Variants in ZNF503 observed in about 807,000 individuals in gnomAD.
ZNF503 encodes NocA-like zinc finger 2.
ZNF503 carries 15 observed loss-of-function variants against 34.4 expected under a neutral mutation model. The ratio of observed to expected loss-of-function variants is 0.44; its 90% confidence interval spans 0.29 to 0.67. The LOEUF (loss-of-function observed/expected upper bound fraction) is 0.67. Among genes scored for constraint, ZNF503 ranks in the 30% least tolerant of loss-of-function variants. The pLI, the probability that ZNF503 is intolerant of heterozygous loss-of-function variation, is 0.13. For synonymous variants in ZNF503, 580 were observed against 456.8 expected (o/e 1.27, Z -3.44); for missense variants, 1,007 against 926.8 (o/e 1.09, Z -1.12).
the ZNF503 span, among the ~76,000 whole-genome samples, chr10:75,352,469 T>C: frequency 6.6e-6 from 1 of 152,144 alleles, no homozygotes; most frequent in African/African-American, 2.4e-5. Flanking sequence ...TCTCAGGAAG[T>C]TTCCAGGCTG....
At chr10:75,313,840 T>G in the ZNF503 span, among the ~76,000 whole-genome samples, 1 of 152,154 alleles carries the variant, frequency 6.6e-6, no homozygotes, top group Admixed American at 6.5e-5. Context: ...AGAGAGAACC[T>G]CAGAGTCTTG....
At chr10:75,309,086 C>A in the ZNF503 span, among the ~76,000 whole-genome samples, 1 of 152,098 alleles carries the variant, frequency 6.6e-6, no homozygotes, top group African/African-American at 2.4e-5. Context: ...TCAAGTGATC[C>A]GCCTGCCTCA....
the ZNF503 span, among the ~76,000 whole-genome samples, chr10:75,303,831 C>CTTTT: frequency 4.0e-5 from 5 of 124,486 alleles, no homozygotes; most frequent in Non-Finnish European, 6.7e-5. Context: ...GTGGCTAAAT[C>CTTTT]TTTTTTTTTT....
At chr10:75,345,491 C>T in the ZNF503 span, among the ~76,000 whole-genome samples, 1 of 151,638 alleles carries the variant, frequency 6.6e-6, no homozygotes, top group African/African-American at 2.4e-5. Context: ...AAAAATTAGC[C>T]AGGCGTTGTG....
At chr10:75,317,097 A>T in the ZNF503 span, among the ~76,000 whole-genome samples, 56 of 151,694 alleles carry the variant, frequency 3.7e-4, 1 homozygote, top group Non-Finnish European at 5.9e-4. Context: ...GCACACCACC[A>T]CTCCTGGCTA....
the ZNF503 span, among the ~76,000 whole-genome samples, chr10:75,333,308 C>T: frequency 8.9e-5 from 6 of 67,522 alleles, no homozygotes; most frequent in Admixed American, 2.7e-4. Flanking sequence ...CCCTCCCGGA[C>T]GGGGCGGCTG....
At chr10:75,303,692 T>C in the ZNF503 span, among the ~76,000 whole-genome samples, 2 of 152,208 alleles carry the variant, frequency 1.3e-5, no homozygotes, top group African/African-American at 4.8e-5. Flanking sequence ...TAAGCAGTAT[T>C]TGATCACCCA....
the ZNF503 span, among the ~76,000 whole-genome samples, chr10:75,298,014 A>AT: frequency 6.6e-6 from 1 of 152,176 alleles, no homozygotes; most frequent in Non-Finnish European, 1.5e-5. Context: ...CAATCCAATG[A>AT]TTTTTTAGTA....
At chr10:75,316,929 T>G in the ZNF503 span, among the ~76,000 whole-genome samples, 1 of 152,110 alleles carries the variant, frequency 6.6e-6, no homozygotes, top group African/African-American at 2.4e-5. Context: ...GAGGGAAGTT[T>G]TAAAACATTA....
the ZNF503 span, among the ~76,000 whole-genome samples, chr10:75,353,106 G>A: frequency 4.7e-4 from 71 of 152,218 alleles, 1 homozygote; most frequent in Admixed American, 3.9e-4. Flanking sequence ...TGGCTTTAAA[G>A]TAGAGGCCAT....
At chr10:75,289,555 T>G in the ZNF503 span, among the ~76,000 whole-genome samples, 6 of 152,180 alleles carry the variant, frequency 3.9e-5, no homozygotes, top group Non-Finnish European at 8.8e-5. Context: ...TGTGGTAAAG[T>G]ACACATAACA....
chr10:75,318,000 A>AATACATAC, the ZNF503 span, among the ~76,000 whole-genome samples: 7 of 150,514 alleles, frequency 4.7e-5, no homozygotes, highest in Non-Finnish European at 8.8e-5. Context: ...TGTCTCAACA[A>AATACATAC]ATACATACAT....
the ZNF503 span, among the ~76,000 whole-genome samples, chr10:75,344,380 C>T: frequency 1.3e-5 from 2 of 152,216 alleles, no homozygotes; most frequent in African/African-American, 2.4e-5. Flanking sequence ...TCCAGACTCC[C>T]TTGCAGCTAA....
At chr10:75,381,872 T>A in the ZNF503 span, among the ~76,000 whole-genome samples, 1 of 130,318 alleles carries the variant, frequency 7.7e-6, no homozygotes, top group Non-Finnish European at 1.6e-5. Flanking sequence ...CTGGGCACAA[T>A]CTCTGCTCAC....
chr10:75,331,666 C>T, the ZNF503 span, among the ~76,000 whole-genome samples: 3 of 152,202 alleles, frequency 2.0e-5, no homozygotes, highest in South Asian at 4.1e-4. Context: ...GGCCTTTTGG[C>T]TAAGATCAAA....
At chr10:75,303,995 G>A in the ZNF503 span, among the ~76,000 whole-genome samples, 1 of 151,906 alleles carries the variant, frequency 6.6e-6, no homozygotes, top group African/African-American at 2.4e-5. Flanking sequence ...CACCACACCT[G>A]GCTAATTTTT....
chr10:75,387,949 G>A, the ZNF503 span, among the ~76,000 whole-genome samples: 2 of 152,164 alleles, frequency 1.3e-5, no homozygotes, highest in African/African-American at 4.8e-5. Context: ...AGTTTCCTCT[G>A]GTGTAAAGGA....
intron 1 of ZNF503, 101 bp from the exon 2 acceptor site, chr10:75,400,475 C>G (rs1296239839): frequency 6.9e-7 from 1 of 1,448,900 alleles, no homozygotes; most frequent in Admixed American, 2.8e-5. Context: ...CCGCAACAGC[C>G]CACGAAGATC....
the ZNF503 span, among the ~76,000 whole-genome samples, chr10:75,369,383 GT>G: frequency 6.6e-6 from 1 of 152,170 alleles, no homozygotes; most frequent in African/African-American, 2.4e-5. Context: ...CATAGGGGTG[GT>G]TTCCCCCATG....
Sources: gnomAD v4.1 joint callset for allele counts (sites outside exome capture counted in the v4.1 genomes callset) on GRCh38, gnomAD v4.1.1 for gene constraint, MANE v1.5 for transcripts, NCBI Gene and HGNC (gene_info 2026-07-23, HGNC 2026-07-21) for gene names.